The following ANXA3 variants were observed in gnomAD, a reference collection of about 807,000 sequenced individuals.
ANXA3 encodes 35-alpha calcimedin.
ANXA3 carries 46 observed loss-of-function variants against 48.8 expected under a neutral mutation model. The ratio of observed to expected loss-of-function variants is 0.94; its 90% CI spans 0.74 to 1.21. ANXA3 has a LOEUF of 1.21. Among genes scored for constraint, ANXA3 ranks in the 50% most tolerant of loss-of-function variants. The pLI, the probability that ANXA3 is intolerant of heterozygous loss-of-function variation, is 0.00. For missense variants in ANXA3, 383 were observed against 378.6 expected (o/e 1.01, Z -0.10); for synonymous variants, 128 against 134.7 (o/e 0.95, Z 0.35).
chr4:78,589,050 G>A (rs1165554446), intron 6 of ANXA3, among the ~76,000 whole-genome samples: 3 of 152,308 alleles, frequency 2.0e-5, no homozygotes, highest in South Asian at 2.1e-4. Flanking sequence ...CTGGAGCCCA[G>A]CATTTAGGTA....
chr4:78,562,550 T>C (rs1722647397), intron 2 of ANXA3, among the ~76,000 whole-genome samples: 2 of 152,212 alleles, frequency 1.3e-5, no homozygotes, highest in Admixed American at 1.3e-4. Context: ...AGAAACAGGA[T>C]GCAGAACAAG....
rs1379146157 is a variant in ANXA3 at position 78,567,359 on chromosome 4, G to A, written c.16-5821G>A. 8.5e-5 allele frequency among the ~76,000 whole-genome samples: 13 copies of A among 152,292 alleles called. No homozygotes were observed. In the East Asian group the frequency reaches 2.3e-3, roughly 27 times the overall value. ...GAAAGCTGTAGGGGAGAACTTCTTAGCCTCTTCCTGGTTTCTAGTGGTTTA... is the reference window on the plus strand; with the variant it reads ...GAAAGCTGTAGGGGAGAACTTCTTAACCTCTTCCTGGTTTCTAGTGGTTTA... On this transcript the variant is annotated intron_variant, in intron 2 of 12. Transcript: ENST00000264908.
At chr4:78,572,926 A>G (rs1324959088) in intron 2 of ANXA3, 1 of 550,874 alleles carries the variant, frequency 1.8e-6, no homozygotes, top group African/African-American at 1.9e-5. Context: ...TCCTGAAGTT[A>G]GTTTGCCCCA....
intron 3 of ANXA3, among the ~76,000 whole-genome samples, chr4:78,577,757 A>G (rs1578396158): frequency 6.6e-6 from 1 of 151,962 alleles, no homozygotes; most frequent in African/African-American, 2.4e-5. Flanking sequence ...GCTCTTTTAT[A>G]CCTCTCTAGT....
chr4:78,573,168 A>T lies in ANXA3; in HGVS notation c.16-12A>T. ...TTTTGAACCAATGGGACTTTCAAGT[A>T]TTTCCTTCTAGGTTGGACACCGAGG... On this transcript the variant is annotated splice_polypyrimidine_tract_variant and intron_variant, in intron 2 of 12. Coordinates refer to ENST00000264908, the MANE Select transcript of ANXA3 (RefSeq NM_005139.3). The T allele has an allele frequency of 6.3e-7, 1 of 1,594,238 alleles. No individual in the cohort carries two copies. Among genetic ancestry groups the T allele is most frequent in the Non-Finnish European group, 8.6e-7 (1 of 1,162,308 alleles).
intron 3 of ANXA3, among the ~76,000 whole-genome samples, 167 bp from the exon 4 acceptor site, chr4:78,578,852 AAAATAAAT>A (rs3840270): frequency 0.08 from 11,914 of 148,800 alleles, 1,506 homozygotes; most frequent in African/African-American, 0.27. Flanking sequence ...TCAGGCAAAC[AAAATAAAT>A]AAATAAATAA....
At chr4:78,579,236 T>G in intron 4 of ANXA3, 115 bp downstream of exon 4, 1 of 650,782 alleles carries the variant, frequency 1.5e-6, no homozygotes. Flanking sequence ...GAAGATGCCC[T>G]GTGCATCCAG....
chr4:78,560,880 C>T (rs1722613068), intron 2 of ANXA3, among the ~76,000 whole-genome samples: 3 of 152,176 alleles, frequency 2.0e-5, no homozygotes, highest in African/African-American at 7.2e-5. Flanking sequence ...TACTACACAT[C>T]TATAACTCAC....
chr4:78,557,334 C>A (rs1316958442), intron 2 of ANXA3, among the ~76,000 whole-genome samples: 2 of 152,176 alleles, frequency 1.3e-5, no homozygotes, highest in African/African-American at 4.8e-5. Flanking sequence ...GAAGACATTT[C>A]TCTGCTTTTA....
chr4:78,582,564 C>T (rs1330656173), intron 5 of ANXA3: 1 of 362,030 alleles, frequency 2.8e-6, no homozygotes, highest in Non-Finnish European at 5.0e-6. Flanking sequence ...CTATGATTAA[C>T]CCCAACACTC....
intron 12 of ANXA3, among the ~76,000 whole-genome samples, chr4:78,607,253 A>C (rs947468844): frequency 6.6e-6 from 1 of 152,230 alleles, no homozygotes; most frequent in African/African-American, 2.4e-5. Flanking sequence ...CCTAACACAT[A>C]TTATTAAGTA....
At chr4:78,563,288 C>T (rs574975600) in intron 2 of ANXA3, among the ~76,000 whole-genome samples, 6 of 152,310 alleles carry the variant, frequency 3.9e-5, no homozygotes, top group South Asian at 4.1e-4. Flanking sequence ...TGATCCCAGT[C>T]CCTCACAGGT....
chr4:78,554,398 C>T (rs1354886914), intron 1 of ANXA3, 38 bp from the exon 2 acceptor site: 2 of 1,330,252 alleles, frequency 1.5e-6, no homozygotes. Context: ...TTCTGAATCA[C>T]ATATTGATAC....
intron 10 of ANXA3, among the ~76,000 whole-genome samples, chr4:78,599,594 C>T (rs561108057): frequency 9.7e-4 from 148 of 152,046 alleles, no homozygotes; most frequent in Non-Finnish European, 1.8e-3. Context: ...GCACATAATC[C>T]CATCACTTTG....
intron 3 of ANXA3, among the ~76,000 whole-genome samples, chr4:78,574,878 C>A (rs1233011420): frequency 6.6e-6 from 1 of 152,188 alleles, no homozygotes; most frequent in East Asian, 1.9e-4. Flanking sequence ...ATGACAAGAA[C>A]TGGAATTTCC....
chr4:78,604,545 G>A, intron 12 of ANXA3, 146 bp downstream of exon 12: 1 of 622,390 alleles, frequency 1.6e-6, no homozygotes, highest in Non-Finnish European at 2.5e-6. Context: ...GCTTAAAATA[G>A]TAGCAGCAAA....
rs377058375 is a variant in ANXA3, at chr4:78,558,418, G to A, written c.15+3930G>A. On this transcript the variant is annotated intron_variant, in intron 2 of 12. Coordinates refer to ENST00000264908, the MANE Select transcript of ANXA3 (RefSeq NM_005139.3). ...AAACATTCTTATCACAAAGTTTTAT[G>A]TGTTCTTTTTTTCTCTCTGCCACAC... Among the ~76,000 whole-genome samples the A allele has an allele frequency of 9.1e-4, 138 of 152,302 alleles. 1 individual carries two copies. In the South Asian group the frequency reaches 0.028, roughly 31 times the overall value.
intron 3 of ANXA3, 143 bp downstream of exon 3, chr4:78,573,410 A>C: frequency 1.6e-6 from 1 of 630,546 alleles, no homozygotes; most frequent in Non-Finnish European, 2.8e-6. Context: ...ACGAGGAAAT[A>C]TATAGAGAAC....
intron 10 of ANXA3, among the ~76,000 whole-genome samples, chr4:78,600,635 G>A (rs1245415558): frequency 2.0e-5 from 3 of 152,096 alleles, no homozygotes; most frequent in Non-Finnish European, 4.4e-5. Context: ...AAAGCCAAAA[G>A]TCTTTTAGCT....
Sources: allele counts gnomAD v4.1 joint callset (sites outside exome capture counted in the v4.1 genomes callset), GRCh38; gene constraint gnomAD v4.1.1; transcripts MANE v1.5; gene names NCBI Gene and HGNC (gene_info 2026-07-23, HGNC 2026-07-21).